The following MTAP variants were observed in gnomAD, a reference collection of about 807,000 sequenced individuals.
The protein encoded by MTAP is S-methyl-5'-thioadenosine phosphorylase.
In MTAP, 33 loss-of-function variants were observed where a neutral mutation model predicts 33.6. The ratio of observed to expected loss-of-function variants is 0.98; its 90% CI spans 0.74 to 1.31. The LOEUF (loss-of-function observed/expected upper bound fraction) is 1.31. Ranked by LOEUF, MTAP falls within the 40% of genes most tolerant of loss-of-function variation. The pLI, the probability that MTAP is intolerant of heterozygous loss-of-function variation, is 0.00. For missense variants in MTAP, 367 were observed against 360.0 expected (o/e 1.02, Z -0.16); for synonymous variants, 148 against 125.7 (o/e 1.18, Z -1.19).
At chr9:21,914,794 AT>A (rs1406682535) in intron 1 of MTAP, among the ~76,000 whole-genome samples, 16 of 151,370 alleles carry the variant, frequency 1.1e-4, no homozygotes, top group East Asian at 3.9e-4. Flanking sequence ...TAAAAAAAAA[AT>A]AATAAACAAA....
intron 1 of MTAP, among the ~76,000 whole-genome samples, chr9:21,911,068 C>A (rs1477031753): frequency 6.6e-6 from 1 of 152,150 alleles, no homozygotes; most frequent in African/African-American, 2.4e-5. Flanking sequence ...ATCAATTCAA[C>A]AAGAAGAGCT....
downstream of MTAP, chr9:21,933,960 A>G (rs1468087170): frequency 6.6e-6 from 1 of 152,226 alleles, no homozygotes; most frequent in Non-Finnish European, 1.5e-5. Flanking sequence ...TCAAGTTGAT[A>G]TTGTTAAAAG....
At chr9:21,816,824 T>A in intron 3 of MTAP, 52 bp downstream of exon 3, 3 of 1,469,762 alleles carry the variant, frequency 2.0e-6, no homozygotes, top group Non-Finnish European at 2.8e-6. Flanking sequence ...AATTTAAATT[T>A]AACTTAAATT....
intron 1 of MTAP, among the ~76,000 whole-genome samples, chr9:21,810,490 G>A (rs1164566896): frequency 6.6e-6 from 1 of 152,160 alleles, no homozygotes; most frequent in African/African-American, 2.4e-5. Flanking sequence ...AACCCAATGA[G>A]AGCAAGAACA....
At position 21,854,617 on chromosome 9, in the gene MTAP, T is replaced by G. The variant is rs764448441; in HGVS notation, c.451-14T>G. 1 of 1,526,802 alleles carries G rather than the reference T, an allele frequency of 6.5e-7. No homozygotes were observed. The highest frequency in any genetic ancestry group is 2.3e-5 in the East Asian group (1 of 43,972). The allele number at this position is 1,526,802 out of a possible 1,614,324, so 94.6% of individuals were successfully genotyped here. A position where few individuals can be genotyped will look rare whatever the true frequency, so the allele number is the denominator to read the frequency against. On this transcript the variant is annotated splice_polypyrimidine_tract_variant and intron_variant, in intron 5 of 7. Coordinates refer to ENST00000644715, the MANE Select transcript of MTAP (RefSeq NM_002451.4). ...TGCTAGTATGTTTTGAAGTTTCTGGTTTTTCTTTTCTAGGTTCTTATAGAG... is the reference window on the plus strand; with the variant it reads ...TGCTAGTATGTTTTGAAGTTTCTGGGTTTTCTTTTCTAGGTTCTTATAGAG...
chr9:21,910,271 T>C (rs369041512), intron 1 of MTAP, among the ~76,000 whole-genome samples: 1 of 151,720 alleles, frequency 6.6e-6, no homozygotes, highest in Admixed American at 6.6e-5. Context: ...TTCACACCAT[T>C]AAAGAGTTTG....
chr9:21,905,216 G>C (rs1357367689), intron 1 of MTAP, among the ~76,000 whole-genome samples: 1 of 152,174 alleles, frequency 6.6e-6, no homozygotes. Flanking sequence ...GAGAATGAGT[G>C]CATGAGTGCA....
chr9:21,906,218 A>T (rs1818474083), intron 1 of MTAP, among the ~76,000 whole-genome samples: 1 of 152,270 alleles, frequency 6.6e-6, no homozygotes, highest in Non-Finnish European at 1.5e-5. Flanking sequence ...TAGAATTATC[A>T]GCTCAAATTT....
intron 7 of MTAP, chr9:21,860,588 G>A (rs1825734164): frequency 6.6e-6 from 1 of 152,114 alleles, no homozygotes; most frequent in East Asian, 1.9e-4. Flanking sequence ...AGAGATGCAG[G>A]AAACCCTTAT....
chr9:21,905,774 A>G (rs1330297624), intron 1 of MTAP, among the ~76,000 whole-genome samples: 1 of 152,228 alleles, frequency 6.6e-6, no homozygotes, highest in Non-Finnish European at 1.5e-5. Flanking sequence ...TCTGAGACTA[A>G]GAAAATAAGG....
chr9:21,842,133 T>C (rs1454807592), intron 5 of MTAP, among the ~76,000 whole-genome samples: 1 of 152,030 alleles, frequency 6.6e-6, no homozygotes, highest in Non-Finnish European at 1.5e-5. Context: ...ATACAAAATG[T>C]AGTGGAAAGC....
At chr9:21,833,051 T>C (rs1161171257) in intron 4 of MTAP, among the ~76,000 whole-genome samples, 2 of 152,234 alleles carry the variant, frequency 1.3e-5, no homozygotes, top group African/African-American at 4.8e-5. Flanking sequence ...TACCTGTTTA[T>C]TGAGCAGCCT....
At chr9:21,899,817 G>A (rs139006111) in intron 1 of MTAP, among the ~76,000 whole-genome samples, 43 of 152,136 alleles carry the variant, frequency 2.8e-4, no homozygotes, top group African/African-American at 7.7e-4. Context: ...TATCAGTACT[G>A]GTACAAAAAC....
chr9:21,904,089 G>A (rs900947871), intron 1 of MTAP, among the ~76,000 whole-genome samples: 1 of 152,182 alleles, frequency 6.6e-6, no homozygotes, highest in African/African-American at 2.4e-5. Context: ...TCGGCAGCCT[G>A]GGCGGCCTGG....
chr9:21,826,649 T>C (rs1395893008), intron 4 of MTAP, among the ~76,000 whole-genome samples: 1 of 143,424 alleles, frequency 7.0e-6, no homozygotes, highest in African/African-American at 2.6e-5. Context: ...ATTATTATTA[T>C]TTAACTGCAC....
chr9:21,922,751 C>T lies in MTAP; in HGVS notation c.148-8257C>T, dbSNP rs1308727144. Among the ~76,000 whole-genome samples the T allele has an allele frequency of 2.0e-5, 3 of 152,172 alleles. No homozygotes were observed. Among genetic ancestry groups the T allele is most frequent in the African/African-American group, 7.2e-5 (3 of 41,414 alleles). On this transcript the variant is annotated intron_variant, in intron 1 of 1. Transcript: ENST00000577563. The surrounding 1 kb of genome is among the most constrained non-coding windows in gnomAD (Gnocchi z 4.8). ...TTCCCAGAACTATTACTCTCAGCCA[C>T]AGTGGCTCTGCACCCGCTGGCTGAT...
rs560554778 is a variant in MTAP, at chr9:21,888,665, T to A, written c.147+33795T>A. 9.7e-4 allele frequency among the ~76,000 whole-genome samples: 148 copies of A among 152,236 alleles called. 1 individual carries two copies. The highest frequency in any genetic ancestry group is 3.5e-3 in the African/African-American group (146 of 41,538). On this transcript the variant is annotated intron_variant, in intron 1 of 1. Transcript: ENST00000577563. Reference sequence around the variant, plus strand: ...CTGCTTGTTTTGGCATCCATTTGCATGGAATATCTTTTTCCACCGCTTTAC... The same window carrying A: ...CTGCTTGTTTTGGCATCCATTTGCAAGGAATATCTTTTTCCACCGCTTTAC...
intron 1 of MTAP, among the ~76,000 whole-genome samples, chr9:21,903,544 C>G (rs1818424832): frequency 6.6e-6 from 1 of 152,040 alleles, no homozygotes; most frequent in African/African-American, 2.4e-5. Flanking sequence ...GGGGGTCTTG[C>G]TCTGTTGAAC....
At chr9:21,823,996 T>C (rs1337005053) in intron 4 of MTAP, among the ~76,000 whole-genome samples, 1 of 152,224 alleles carries the variant, frequency 6.6e-6, no homozygotes, top group Non-Finnish European at 1.5e-5. Context: ...GTTATTCTAG[T>C]TAGCCATTCG....
Sources: allele counts gnomAD v4.1 joint callset (sites outside exome capture counted in the v4.1 genomes callset), GRCh38; gene constraint gnomAD v4.1.1; non-coding constraint Gnocchi (gnomAD v3.1); transcripts MANE v1.5; gene names NCBI Gene and HGNC (gene_info 2026-07-23, HGNC 2026-07-21).